The following BMPR2 variants were observed in gnomAD, a reference collection of about 807,000 sequenced individuals.
BMPR2 encodes bone morphogenetic protein receptor type-2.
Under a neutral mutation model 100.8 loss-of-function variants are expected in BMPR2, and 29 were observed. The observed-to-expected ratio is 0.29, with a 90% CI of 0.21 to 0.39. The LOEUF is 0.39. Among genes scored for constraint, BMPR2 ranks in the 10% least tolerant of loss-of-function variants. The pLI, the probability that BMPR2 is intolerant of heterozygous loss-of-function variation, is 1.00. For synonymous variants in BMPR2, 382 were observed against 442.3 expected, an observed-to-expected ratio of 0.86 and a Z score of 1.71; for missense variants, 1,011 against 1,274.5, an observed-to-expected ratio of 0.79 and a Z score of 3.15.
intron 10 of BMPR2, among the ~76,000 whole-genome samples, chr2:202,543,222 T>TTA (rs1008965661): frequency 1.4e-5 from 2 of 146,820 alleles, no homozygotes; most frequent in African/African-American, 2.5e-5. Context: ...ACATATATAT[T>TTA]TATATATATA....
chr2:202,482,926 C>T (rs1206601026), intron 3 of BMPR2, among the ~76,000 whole-genome samples: 1 of 152,128 alleles, frequency 6.6e-6, no homozygotes, highest in Non-Finnish European at 1.5e-5. Context: ...TTCAAGTAAT[C>T]CTCCCACCTC....
intron 8 of BMPR2, 144 bp downstream of exon 8, chr2:202,531,098 T>C: frequency 1.0e-6 from 1 of 953,268 alleles, no homozygotes; most frequent in Non-Finnish European, 1.6e-6. Flanking sequence ...AGGTAAAGAG[T>C]TCGAGACCAG....
Position 202,503,377 on chromosome 2 carries a change from G to A in BMPR2, c.419-10342G>A, listed in dbSNP as rs913943870. Among the ~76,000 whole-genome samples, 39 of 152,242 alleles carry A rather than the reference G, an allele frequency of 2.6e-4. No homozygotes were observed. The highest frequency in any genetic ancestry group is 2.6e-4 in the Admixed American group (4 of 15,290). ...CCACTCCCTCAGCTTGCAGGGAGGTGTGGAGGGAGAGGCGCAAGCAGGAAC... is the reference window on the plus strand; with the variant it reads ...CCACTCCCTCAGCTTGCAGGGAGGTATGGAGGGAGAGGCGCAAGCAGGAAC... On this transcript the variant is annotated intron_variant, in intron 3 of 12. Coordinates refer to ENST00000374580, the MANE Select transcript of BMPR2 (RefSeq NM_001204.7). This position sits in a 1 kb window ranked among gnomAD's most constrained non-coding sequence, Gnocchi z 4.0.
chr2:202,501,216 G>A (rs561827956), intron 3 of BMPR2, among the ~76,000 whole-genome samples: 2 of 152,294 alleles, frequency 1.3e-5, no homozygotes, highest in African/African-American at 4.8e-5. Context: ...AGCAAGGAAC[G>A]AATACAGCCT....
intron 3 of BMPR2, 25 bp downstream of exon 3, chr2:202,467,714 T>A (rs1451171141): frequency 6.3e-7 from 1 of 1,587,712 alleles, no homozygotes; most frequent in Admixed American, 1.7e-5. Flanking sequence ...CAACTTTTCT[T>A]TGTATTTCCT....
At chr2:202,550,526 T>C (rs764296878) in intron 10 of BMPR2, among the ~76,000 whole-genome samples, 1 of 152,096 alleles carries the variant, frequency 6.6e-6, no homozygotes, top group Non-Finnish European at 1.5e-5. Flanking sequence ...CCTAGATTTA[T>C]AATTATCATT....
chr2:202,544,636 A>G (rs945166882), intron 10 of BMPR2, among the ~76,000 whole-genome samples: 1 of 152,016 alleles, frequency 6.6e-6, no homozygotes, highest in Non-Finnish European at 1.5e-5. Context: ...AGAATTGTGA[A>G]ATTTCACCTT....
chr2:202,561,220 T>A lies in BMPR2; in HGVS notation c.*1274T>A, dbSNP rs531742338. 6.6e-6 allele frequency: 1 copy of A among 152,282 alleles called. No individual in the cohort carries two copies. Among genetic ancestry groups the A allele is most frequent in the East Asian group, 1.9e-4 (1 of 5,180 alleles). The allele number at this position is 152,282 out of a possible 1,614,324, so 9.4% of individuals were successfully genotyped here. A position where few individuals can be genotyped will look rare whatever the true frequency, so the allele number is the denominator to read the frequency against. On this transcript the variant is annotated 3_prime_UTR_variant, in exon 13 of 13. Transcript: ENST00000374580. ...GGGCTGCTATCAAACCTACCTTTTT[T>A]GAGCAAACTGAGACTAAACTTCTCT... is the stretch of plus-strand genomic sequence containing the variant.
chr2:202,500,731 CATT>C (rs920193242), intron 3 of BMPR2, among the ~76,000 whole-genome samples: 14 of 152,318 alleles, frequency 9.2e-5, no homozygotes, highest in Admixed American at 6.5e-4. Context: ...ATCTTAGACT[CATT>C]AATGAGGCAG....
rs1205051690 is a variant in BMPR2 at position 202,441,883 on chromosome 2, A to AT, written c.77-22924dup. On this transcript the variant is annotated intron_variant, in intron 1 of 12. Coordinates refer to ENST00000374580, the MANE Select transcript of BMPR2 (RefSeq NM_001204.7). Reference sequence around the variant, plus strand: ...CCCCATCTCTACCAAAAATACAAAAATTATCTGGGCATGGTGGCAGGTGCC... The same window carrying AT: ...CCCCATCTCTACCAAAAATACAAAAATTTATCTGGGCATGGTGGCAGGTGCC... Among the ~76,000 whole-genome samples, 11 of 149,194 alleles carry AT rather than the reference A, an allele frequency of 7.4e-5. No homozygotes were observed. In the East Asian group the frequency reaches 2.1e-3, roughly 29 times the overall value.
Position 202,457,470 on chromosome 2 carries a change from CAG to C in BMPR2, c.77-7337_77-7336del, listed in dbSNP as rs745762000. On this transcript the variant is annotated intron_variant, in intron 1 of 12. Coordinates refer to ENST00000374580, the MANE Select transcript of BMPR2 (RefSeq NM_001204.7). ...ACTTTTTTTAGAATGAAAGAAGAAA[CAG>C]AAAAATGACATAAAGATCAATTATT... is the stretch of plus-strand genomic sequence containing the variant. Among the ~76,000 whole-genome samples, 131 of 143,716 alleles carry C rather than the reference CAG, an allele frequency of 9.1e-4. 1 individual carries two copies. The highest frequency in any genetic ancestry group is 7.5e-3 in the Middle Eastern group (2 of 266). 94.3% of individuals were successfully genotyped at this position (143,716 alleles called of 152,430 possible).
rs1687662600 is a variant in BMPR2 at position 202,513,706 on chromosome 2, T to C, written c.419-13T>C. 2 of 1,597,468 alleles carry C rather than the reference T, an allele frequency of 1.3e-6. No individual in the cohort carries two copies. The highest frequency in any genetic ancestry group is 1.7e-6 in the Non-Finnish European group (2 of 1,165,862). ...TAAAAAAAAATGACATTTCAAAATTTGTTTTCTTTTAGGTCCACCTCATTC... is the reference window on the plus strand; with the variant it reads ...TAAAAAAAAATGACATTTCAAAATTCGTTTTCTTTTAGGTCCACCTCATTC... On this transcript the variant is annotated splice_polypyrimidine_tract_variant and intron_variant, in intron 3 of 12. Transcript: ENST00000374580.
intron 3 of BMPR2, among the ~76,000 whole-genome samples, chr2:202,504,168 A>G (rs2105993870): frequency 6.6e-6 from 1 of 152,256 alleles, no homozygotes; most frequent in East Asian, 1.9e-4. Context: ...GGGGCCAGAT[A>G]AGAGAATAAA....
At chr2:202,422,203 G>A (rs969959774) in intron 1 of BMPR2, among the ~76,000 whole-genome samples, 4 of 152,164 alleles carry the variant, frequency 2.6e-5, no homozygotes, top group African/African-American at 9.7e-5. Flanking sequence ...CACTGCACCC[G>A]GCCGTTAAAG....
chr2:202,462,634 T>C (rs1243447495), intron 1 of BMPR2, among the ~76,000 whole-genome samples: 1 of 150,200 alleles, frequency 6.7e-6, no homozygotes, highest in Admixed American at 6.6e-5. Flanking sequence ...CCGTACCTTT[T>C]TTTTTTTTTA....
intron 1 of BMPR2, among the ~76,000 whole-genome samples, chr2:202,418,857 A>C (rs944195166): frequency 6.6e-6 from 1 of 152,226 alleles, no homozygotes; most frequent in African/African-American, 2.4e-5. Context: ...CAGGGAAAAG[A>C]CCTGGAAAGG....
chr2:202,408,852 A>G lies in BMPR2; in HGVS notation c.76+31302A>G, dbSNP rs1346111493. ...ACAATGGTCATATAAGTATTTTTTA[A>G]AATTTGTTTTTATCTGTTGCTTTAT... On this transcript the variant is annotated intron_variant, in intron 1 of 12. Transcript: ENST00000374580. 2.6e-4 allele frequency among the ~76,000 whole-genome samples: 39 copies of G among 152,178 alleles called. 1 individual carries two copies. The highest frequency in any genetic ancestry group is 2.6e-3 in the Admixed American group (39 of 15,248).
At chr2:202,517,496 C>T (rs963130612) in intron 5 of BMPR2, among the ~76,000 whole-genome samples, 9 of 151,914 alleles carry the variant, frequency 5.9e-5, no homozygotes, top group East Asian at 1.9e-4. Flanking sequence ...TGACTACAGG[C>T]GCATGCCACC....
At chr2:202,511,606 A>G (rs528128587) in intron 3 of BMPR2, among the ~76,000 whole-genome samples, 73 of 152,158 alleles carry the variant, frequency 4.8e-4, no homozygotes, top group African/African-American at 1.6e-3. Flanking sequence ...AGCCATGCCA[A>G]TGTATGTGAA....
Sources: gnomAD v4.1 joint callset for allele counts (sites outside exome capture counted in the v4.1 genomes callset) on GRCh38, gnomAD v4.1.1 for gene constraint, Gnocchi (gnomAD v3.1) non-coding constraint, MANE v1.5 for transcripts, NCBI Gene and HGNC (gene_info 2026-07-23, HGNC 2026-07-21) for gene names.